The following AHCYL2 variants were observed in gnomAD, a reference collection of about 807,000 sequenced individuals.
The protein encoded by AHCYL2 is adenosylhomocysteinase like 2.
Under a neutral mutation model 81.4 loss-of-function variants are expected in AHCYL2, and 28 were observed. The observed-to-expected ratio is 0.34, with a 90% CI of 0.25 to 0.47. The LOEUF is 0.47. Ranked by LOEUF, AHCYL2 falls within the 20% of genes least tolerant of loss-of-function variation. AHCYL2 has a pLI of 1.00. For synonymous variants in AHCYL2, 272 were observed against 290.2 expected, an observed-to-expected ratio of 0.94 and a Z score of 0.64; for missense variants, 551 against 785.1, an observed-to-expected ratio of 0.70 and a Z score of 3.56.
intron 12 of AHCYL2, among the ~76,000 whole-genome samples, chr7:129,415,728 A>T (rs1331168155): frequency 6.6e-6 from 1 of 152,094 alleles, no homozygotes; most frequent in Non-Finnish European, 1.5e-5. Context: ...AGGCGGGATG[A>T]TTACTTGAGC....
At chr7:129,251,162 C>G (rs1795235055) in intron 1 of AHCYL2, among the ~76,000 whole-genome samples, 1 of 152,194 alleles carries the variant, frequency 6.6e-6, no homozygotes, top group Non-Finnish European at 1.5e-5. Context: ...CAGCATCCTT[C>G]TCCATTTGGA....
At chr7:129,352,521 C>T (rs562960349) in intron 1 of AHCYL2, among the ~76,000 whole-genome samples, 5 of 152,164 alleles carry the variant, frequency 3.3e-5, no homozygotes, top group Non-Finnish European at 7.3e-5. Context: ...AAAACTTTCT[C>T]TCTTTCACCC....
chr7:129,319,671 T>TA (rs1167620205), intron 1 of AHCYL2, among the ~76,000 whole-genome samples: 2 of 152,338 alleles, frequency 1.3e-5, no homozygotes, highest in East Asian at 3.9e-4. Flanking sequence ...TCTAGAATCT[T>TA]AAACATACAA....
chr7:129,248,091 G>C (rs1795122705), intron 1 of AHCYL2, among the ~76,000 whole-genome samples: 1 of 152,154 alleles, frequency 6.6e-6, no homozygotes, highest in Admixed American at 6.5e-5. Context: ...ACCATTAGTT[G>C]AAAGAACTAT....
intron 1 of AHCYL2, among the ~76,000 whole-genome samples, chr7:129,259,948 T>G (rs566656466): frequency 6.6e-6 from 1 of 152,180 alleles, no homozygotes; most frequent in Non-Finnish European, 1.5e-5. Flanking sequence ...TGGTGGCATG[T>G]GCCTGTAATC....
chr7:129,393,853 T>C (rs1795583287), intron 4 of AHCYL2, among the ~76,000 whole-genome samples: 1 of 152,198 alleles, frequency 6.6e-6, no homozygotes, highest in Non-Finnish European at 1.5e-5. Context: ...TCCTCTTTTT[T>C]CCCTCTCCAT....
rs888654773 is a variant in AHCYL2, at chr7:129,230,056, T to C, written c.363+4617T>C. Reference sequence around the variant, plus strand: ...ATACCAGGCATTGTACTTAGAGCTTTACATATACTGTTTTATTTAATTCTT... The same window carrying C: ...ATACCAGGCATTGTACTTAGAGCTTCACATATACTGTTTTATTTAATTCTT... On this transcript the variant is annotated intron_variant, in intron 1 of 16. Coordinates refer to ENST00000325006, the MANE Select transcript of AHCYL2 (RefSeq NM_015328.4). 4.0e-4 allele frequency among the ~76,000 whole-genome samples: 60 copies of C among 151,894 alleles called. 2 individuals are homozygous for C. Among genetic ancestry groups the C allele is most frequent in the African/African-American group, 1.4e-3 (56 of 41,466 alleles).
intron 1 of AHCYL2, among the ~76,000 whole-genome samples, chr7:129,230,234 C>T (rs1039529320): frequency 4.0e-5 from 6 of 151,726 alleles, no homozygotes; most frequent in African/African-American, 1.5e-4. Context: ...AGGTGTGTGC[C>T]ACCACACCCG....
intron 11 of AHCYL2, 26 bp downstream of exon 11, chr7:129,409,572 G>GT: frequency 3.8e-6 from 6 of 1,572,748 alleles, no homozygotes; most frequent in Non-Finnish European, 5.2e-6. Flanking sequence ...TTTAAATGGG[G>GT]TGGCACTTGG....
At chr7:129,369,013 C>A (rs1794240302) in intron 1 of AHCYL2, among the ~76,000 whole-genome samples, 1 of 152,124 alleles carries the variant, frequency 6.6e-6, no homozygotes, top group Non-Finnish European at 1.5e-5. Context: ...CGTATTTTTC[C>A]CTTCAGTCAC....
At chr7:129,376,455 T>G (rs1407460061) in intron 1 of AHCYL2, among the ~76,000 whole-genome samples, 2 of 152,236 alleles carry the variant, frequency 1.3e-5, no homozygotes, top group African/African-American at 4.8e-5. Flanking sequence ...CCCTATGTTC[T>G]AAGTGGAGAA....
intron 1 of AHCYL2, among the ~76,000 whole-genome samples, chr7:129,279,786 G>GT (rs1407300784): frequency 1.3e-5 from 2 of 152,198 alleles, no homozygotes; most frequent in Non-Finnish European, 2.9e-5. Flanking sequence ...TCCTTTTAGG[G>GT]TAACTTCTGA....
intron 1 of AHCYL2, among the ~76,000 whole-genome samples, chr7:129,356,414 C>T (rs1010769101): frequency 7.2e-5 from 11 of 152,192 alleles, no homozygotes; most frequent in African/African-American, 2.7e-4. Context: ...TCTCCTACAG[C>T]CTTTCCACCC....
At chr7:129,333,183 C>A (rs1389849858) in intron 1 of AHCYL2, among the ~76,000 whole-genome samples, 3 of 151,662 alleles carry the variant, frequency 2.0e-5, no homozygotes, top group African/African-American at 4.9e-5. Flanking sequence ...AAAAGTAGTT[C>A]CAGGGGCCAG....
chr7:129,330,351 G>T (rs1314549728), intron 1 of AHCYL2, among the ~76,000 whole-genome samples: 1 of 151,976 alleles, frequency 6.6e-6, no homozygotes, highest in African/African-American at 2.4e-5. Flanking sequence ...AGTAACAAAA[G>T]AATGATTAAA....
chr7:129,312,449 C>G (rs1157930609), intron 1 of AHCYL2, among the ~76,000 whole-genome samples: 2 of 151,928 alleles, frequency 1.3e-5, no homozygotes, highest in African/African-American at 4.8e-5. Flanking sequence ...TGCTCTGTTA[C>G]TCAGGCTGGT....
intron 1 of AHCYL2, among the ~76,000 whole-genome samples, chr7:129,323,513 A>G (rs531409916): frequency 6.6e-6 from 1 of 152,322 alleles, no homozygotes; most frequent in South Asian, 2.1e-4. Context: ...GTACCCTCAA[A>G]AAGAATATGT....
At chr7:129,336,518 C>T (rs998756203) in intron 1 of AHCYL2, among the ~76,000 whole-genome samples, 8 of 152,102 alleles carry the variant, frequency 5.3e-5, no homozygotes, top group Admixed American at 3.3e-4. Context: ...TTGCCTTTCT[C>T]TTGTATGGAG....
At chr7:129,321,112 A>G (rs1447507316) in intron 1 of AHCYL2, among the ~76,000 whole-genome samples, 1 of 152,214 alleles carries the variant, frequency 6.6e-6, no homozygotes, top group Non-Finnish European at 1.5e-5. Context: ...TACATACATA[A>G]TTGTTTCACC....
Sources: gnomAD v4.1 joint callset for allele counts (sites outside exome capture counted in the v4.1 genomes callset) on GRCh38, gnomAD v4.1.1 for gene constraint, MANE v1.5 for transcripts, NCBI Gene and HGNC (gene_info 2026-07-23, HGNC 2026-07-21) for gene names.